TRAPPC9: variants seen among roughly 807,000 people sequenced by gnomAD.
TRAPPC9 encodes trafficking protein particle complex subunit 9, also known as IKK2 binding protein.
In TRAPPC9, 83 loss-of-function variants were observed where a neutral mutation model predicts 124.0. The ratio of observed to expected loss-of-function variants is 0.67; its 90% CI spans 0.56 to 0.80. The LOEUF (loss-of-function observed/expected upper bound fraction) is 0.80, where lower values mean the gene tolerates loss of function less well. TRAPPC9 is among the 30% of genes least tolerant of loss of function. The pLI is 0.00. For missense variants in TRAPPC9, 1,302 were observed against 1,508.3 expected, an observed-to-expected ratio of 0.86 and a Z score of 2.27; for synonymous variants, 638 against 617.5, an observed-to-expected ratio of 1.03 and a Z score of -0.49.
intron 17 of TRAPPC9, among the ~76,000 whole-genome samples, chr8:140,074,352 A>G (rs1034775621): frequency 3.3e-5 from 5 of 152,104 alleles, no homozygotes; most frequent in African/African-American, 4.8e-5. Flanking sequence ...CTGTCACCCT[A>G]AGGAAGAAAT....
chr8:139,873,778 A>T (rs1829150828), intron 21 of TRAPPC9, among the ~76,000 whole-genome samples: 1 of 152,188 alleles, frequency 6.6e-6, no homozygotes, highest in African/African-American at 2.4e-5. Flanking sequence ...TGTCCTTTGT[A>T]CTGGAGTTTT....
rs1825530103 is a variant in TRAPPC9, at chr8:139,825,087, T to TG, written c.3055+60791dup. On this transcript the variant is annotated intron_variant, in intron 21 of 22. Transcript: ENST00000438773. The surrounding 1 kb of genome is among the most constrained non-coding windows in gnomAD (Gnocchi z 4.6). Reference sequence around the variant, plus strand: ...ACACTCAGGGGTGGGGTTGCTGGAGTGGGGGTCACAGATGACCCGGGCCCT... The same window carrying TG: ...ACACTCAGGGGTGGGGTTGCTGGAGTGGGGGGTCACAGATGACCCGGGCCCT... Among the ~76,000 whole-genome samples the TG allele has an allele frequency of 6.6e-6, 1 of 151,222 alleles. No homozygotes were observed. The highest frequency in any genetic ancestry group is 2.4e-5 in the African/African-American group (1 of 41,080).
chr8:139,778,850 A>T (rs1305364011), intron 21 of TRAPPC9, among the ~76,000 whole-genome samples: 1 of 152,164 alleles, frequency 6.6e-6, no homozygotes, highest in Non-Finnish European at 1.5e-5. Context: ...AGACAGGAAA[A>T]ATAATTTAAA....
chr8:139,864,787 G>A (rs1255513834), intron 21 of TRAPPC9, among the ~76,000 whole-genome samples: 3 of 152,194 alleles, frequency 2.0e-5, no homozygotes, highest in Admixed American at 1.3e-4. Context: ...AAAGAAAAGC[G>A]CTTGGACCCA....
At chr8:140,064,566 C>A (rs7005840) in intron 17 of TRAPPC9, among the ~76,000 whole-genome samples, 123,499 of 152,142 alleles carry the variant, frequency 0.81, 51,011 homozygotes, top group Non-Finnish European at 0.9. Flanking sequence ...CAGGGTCCTC[C>A]CAGAATTAGA....
chr8:140,169,437 C>G (rs1175873539), intron 17 of TRAPPC9, among the ~76,000 whole-genome samples: 1 of 152,054 alleles, frequency 6.6e-6, no homozygotes. Context: ...AGGTACAGAC[C>G]CAAGAGGATG....
At chr8:139,975,357 C>A (rs1002422849) in intron 19 of TRAPPC9, among the ~76,000 whole-genome samples, 1 of 152,170 alleles carries the variant, frequency 6.6e-6, no homozygotes, top group Admixed American at 6.5e-5. Flanking sequence ...GATCGCTGGG[C>A]CCTGCCCCAC....
chr8:140,350,481 A>G (rs998382297), intron 9 of TRAPPC9, among the ~76,000 whole-genome samples: 1 of 152,206 alleles, frequency 6.6e-6, no homozygotes, highest in African/African-American at 2.4e-5. Flanking sequence ...TATCAAAGGG[A>G]GGCTGTCCAT....
At chr8:139,937,201 G>C (rs1481913508) in intron 19 of TRAPPC9, among the ~76,000 whole-genome samples, 1 of 152,178 alleles carries the variant, frequency 6.6e-6, no homozygotes, top group Admixed American at 6.5e-5. Context: ...TTCTTGAAGA[G>C]TAACAGTAAA....
chr8:139,744,426 A>C (rs971660723), intron 21 of TRAPPC9, among the ~76,000 whole-genome samples: 14 of 147,016 alleles, frequency 9.5e-5, no homozygotes, highest in African/African-American at 2.7e-4. Flanking sequence ...GCTGGAGCCC[A>C]AGGAAAGCTC....
intron 21 of TRAPPC9, among the ~76,000 whole-genome samples, chr8:139,790,050 G>A (rs1035684250): frequency 2.0e-5 from 3 of 152,214 alleles, no homozygotes; most frequent in South Asian, 2.1e-4. Flanking sequence ...ATGACGCCGC[G>A]TCGCTGCTGA....
intron 21 of TRAPPC9, among the ~76,000 whole-genome samples, chr8:139,799,435 G>A (rs546641035): frequency 6.6e-6 from 1 of 152,146 alleles, no homozygotes; most frequent in Admixed American, 6.5e-5. Context: ...GTGCAGATGA[G>A]GATAACCCTG....
chr8:140,408,445 A>C (rs2069576566), intron 5 of TRAPPC9, among the ~76,000 whole-genome samples: 1 of 152,172 alleles, frequency 6.6e-6, no homozygotes, highest in Non-Finnish European at 1.5e-5. Context: ...AGATAAAGCA[A>C]AAAAAAGAAG....
intron 17 of TRAPPC9, among the ~76,000 whole-genome samples, chr8:140,051,137 C>G (rs779475386): frequency 3.9e-5 from 6 of 152,208 alleles, no homozygotes; most frequent in South Asian, 4.1e-4. Flanking sequence ...CAGATGTTAG[C>G]AAGAGAGAAG....
intron 17 of TRAPPC9, among the ~76,000 whole-genome samples, chr8:140,204,901 A>G (rs10090220): frequency 0.36 from 54,239 of 152,190 alleles, 9,951 homozygotes; most frequent in East Asian, 0.59. Context: ...GATTTTATTG[A>G]GAGGAAATCT....
At chr8:139,870,131 ATTTCCCTAAAT>A (rs1828806442) in intron 21 of TRAPPC9, among the ~76,000 whole-genome samples, 1 of 152,214 alleles carries the variant, frequency 6.6e-6, no homozygotes, top group Admixed American at 6.5e-5. Flanking sequence ...GAGTCCAACA[ATTTCCCTAAAT>A]ATATGAGAAA....
At chr8:140,289,881 G>A (rs1377157906) in intron 12 of TRAPPC9, among the ~76,000 whole-genome samples, 1 of 152,236 alleles carries the variant, frequency 6.6e-6, no homozygotes, top group Non-Finnish European at 1.5e-5. Flanking sequence ...GAGACTACAA[G>A]CTGAACATCC....
At chr8:140,183,214 TC>T (rs2062247598) in intron 17 of TRAPPC9, among the ~76,000 whole-genome samples, 1 of 152,152 alleles carries the variant, frequency 6.6e-6, no homozygotes, top group African/African-American at 2.4e-5. Flanking sequence ...TAAAAATTAA[TC>T]CCTGCTTGGA....
At chr8:139,966,816 T>A (rs928739072) in intron 19 of TRAPPC9, among the ~76,000 whole-genome samples, 2 of 152,216 alleles carry the variant, frequency 1.3e-5, no homozygotes, top group African/African-American at 4.8e-5. Flanking sequence ...AGGTTTCAGA[T>A]GGTCATTTCG....
Sources: allele counts gnomAD v4.1 joint callset (sites outside exome capture counted in the v4.1 genomes callset), GRCh38; gene constraint gnomAD v4.1.1; non-coding constraint Gnocchi (gnomAD v3.1); transcripts MANE v1.5; gene names NCBI Gene and HGNC (gene_info 2026-07-23, HGNC 2026-07-21).